RAD54B: variants seen among roughly 807,000 people sequenced by gnomAD.
The protein encoded by RAD54B is RAD54 homolog B.
In RAD54B, 78 loss-of-function variants were observed where a neutral mutation model predicts 95.8. The observed-to-expected ratio is 0.81, with a 90% confidence interval of 0.68 to 0.98. RAD54B has a LOEUF of 0.98. Among genes scored for constraint, RAD54B ranks in the 50% least tolerant of loss-of-function variants. The probability of loss-of-function intolerance (pLI) is 0.00; values close to 1 mark genes in which losing one functional copy is unlikely to be tolerated. For missense variants in RAD54B, 957 were observed against 1,056.6 expected (o/e 0.91, Z 1.31); for synonymous variants, 328 against 354.9 (o/e 0.92, Z 0.85).
In RAD54B at chr8:94,411,238, C is replaced by T. The variant is rs1563646492; in HGVS notation, c.382G>A (p.Val128Ile). 4 of 1,611,688 alleles carry T rather than the reference C, an allele frequency of 2.5e-6. No homozygotes were observed. Among genetic ancestry groups the T allele is most frequent in the Non-Finnish European group, 2.5e-6 (3 of 1,179,094 alleles). ...KSDSLVKYFS[V>I]VWCKPSKKKH... is the part of the protein sequence containing the mutation. ...TTCTTTGAAGGCTTACACCAAACAA[C>T]ACTGAAATATTTAACTAGGCTATCA... is the stretch of plus-strand genomic sequence containing the variant. Residue 128 changes from valine to isoleucine, a missense_variant, in exon 4 of 15, where the codon GTT becomes ATT. Val to Ile is a conservative substitution (Grantham distance 29). Coordinates refer to ENST00000336148, the MANE Select transcript of RAD54B (RefSeq NM_012415.3).
intron 4 of RAD54B, among the ~76,000 whole-genome samples, chr8:94,410,316 C>T (rs2130036802): frequency 6.6e-6 from 1 of 152,328 alleles, no homozygotes; most frequent in Non-Finnish European, 1.5e-5. Flanking sequence ...TATGCTCCAA[C>T]TGCATTTAGT....
At chr8:94,422,030 T>C (rs747038870) in intron 3 of RAD54B, among the ~76,000 whole-genome samples, 2 of 152,208 alleles carry the variant, frequency 1.3e-5, no homozygotes, top group Non-Finnish European at 2.9e-5. Context: ...CTAATGCCCT[T>C]ATCTAAATTA....
intron 3 of RAD54B, chr8:94,430,773 A>C: frequency 1.0e-6 from 1 of 985,128 alleles, no homozygotes; most frequent in Non-Finnish European, 1.2e-6. Context: ...AAAAATGCAG[A>C]TTTCTGGTTT....
chr8:94,470,979 T>C (rs1180483303), intron 1 of RAD54B, among the ~76,000 whole-genome samples: 1 of 152,186 alleles, frequency 6.6e-6, no homozygotes, highest in Non-Finnish European at 1.5e-5. Flanking sequence ...CCTTATATAA[T>C]GTTGGGAATG....
intron 11 of RAD54B, 79 bp downstream of exon 11, chr8:94,386,905 T>G: frequency 9.9e-7 from 1 of 1,006,160 alleles, no homozygotes; most frequent in Non-Finnish European, 1.4e-6. Flanking sequence ...TTTCTTATTT[T>G]AAAAGGGAAG....
In RAD54B at chr8:94,375,867, G is replaced by C. The variant is rs892207380; in HGVS notation, c.2515+2313C>G. 8.5e-5 allele frequency among the ~76,000 whole-genome samples: 13 copies of C among 152,060 alleles called. No individual in the cohort carries two copies. The East Asian group carries it at 2.3e-3, about 27-fold the overall frequency. ...AAGGATACACAAAAAAACTAATAGTGGTGGTTTCTTTTGATGTAGAAGGCT... is the reference window on the plus strand; with the variant it reads ...AAGGATACACAAAAAAACTAATAGTCGTGGTTTCTTTTGATGTAGAAGGCT... On this transcript the variant is annotated intron_variant, in intron 14 of 14. Coordinates refer to ENST00000336148, the MANE Select transcript of RAD54B (RefSeq NM_012415.3).
intron 3 of RAD54B, among the ~76,000 whole-genome samples, chr8:94,451,863 GA>G (rs201302620): frequency 0.091 from 13,355 of 146,810 alleles, 1,061 homozygotes; most frequent in African/African-American, 0.2. Context: ...GGTCCAGCAG[GA>G]AAAAAAAAAA....
intron 3 of RAD54B, chr8:94,427,627 G>T: frequency 1.5e-6 from 1 of 684,484 alleles, no homozygotes; most frequent in Non-Finnish European, 1.8e-6. Context: ...CTAAATAAAT[G>T]TATTTCAATT....
intron 3 of RAD54B, among the ~76,000 whole-genome samples, chr8:94,449,629 A>G (rs902119414): frequency 6.6e-6 from 1 of 151,604 alleles, no homozygotes; most frequent in African/African-American, 2.4e-5. Flanking sequence ...AAAAAAAAGA[A>G]GGAAATGGTC....
At chr8:94,425,738 A>G (rs543845845) in intron 3 of RAD54B, among the ~76,000 whole-genome samples, 4 of 152,032 alleles carry the variant, frequency 2.6e-5, no homozygotes, top group Non-Finnish European at 5.9e-5. Context: ...ATTATGTTTT[A>G]TAAGCGTAGC....
intron 10 of RAD54B, chr8:94,387,415 T>C: frequency 3.5e-6 from 1 of 289,386 alleles, no homozygotes; most frequent in Non-Finnish European, 6.3e-6. Context: ...GTAGTATTAA[T>C]ATTTCCCACA....
intron 3 of RAD54B, among the ~76,000 whole-genome samples, chr8:94,457,424 G>A (rs1052097943): frequency 6.6e-6 from 1 of 152,166 alleles, no homozygotes; most frequent in Non-Finnish European, 1.5e-5. Context: ...ATGGCACCAA[G>A]ATAATGGCCA....
At chr8:94,404,679 C>A (rs1385693874) in intron 5 of RAD54B, among the ~76,000 whole-genome samples, 1 of 152,200 alleles carries the variant, frequency 6.6e-6, no homozygotes, top group African/African-American at 2.4e-5. Context: ...GGCTTTCTAT[C>A]TTTTCAGTCC....
intron 5 of RAD54B, among the ~76,000 whole-genome samples, chr8:94,404,684 C>T (rs1811343755): frequency 6.6e-6 from 1 of 152,196 alleles, no homozygotes; most frequent in Non-Finnish European, 1.5e-5. Context: ...TCTATCTTTT[C>T]AGTCCTAAAC....
intron 10 of RAD54B, among the ~76,000 whole-genome samples, chr8:94,389,866 A>G (rs1810973922): frequency 6.6e-6 from 1 of 152,200 alleles, no homozygotes; most frequent in Admixed American, 6.5e-5. Context: ...CATGGCAACA[A>G]TGGAGAAACA....
At chr8:94,409,835 G>A (rs1811483585) in intron 4 of RAD54B, among the ~76,000 whole-genome samples, 4 of 152,106 alleles carry the variant, frequency 2.6e-5, no homozygotes, top group Non-Finnish European at 5.9e-5. Flanking sequence ...AAGTAATTGT[G>A]ATAATTTTTC....
At chr8:94,399,337 T>C (rs931484598) in intron 8 of RAD54B, 77 bp downstream of exon 8, 2 of 1,116,100 alleles carry the variant, frequency 1.8e-6, no homozygotes, top group Non-Finnish European at 2.7e-6. Context: ...GTTATTTGAA[T>C]GTTAAGCATC....
intron 3 of RAD54B, among the ~76,000 whole-genome samples, chr8:94,421,478 A>G (rs1811805736): frequency 6.6e-6 from 1 of 152,176 alleles, no homozygotes; most frequent in Admixed American, 6.5e-5. Context: ...AGTGCTGCCC[A>G]GGTACTAAAA....
intron 3 of RAD54B, among the ~76,000 whole-genome samples, chr8:94,414,248 G>C (rs1020180180): frequency 1.3e-5 from 2 of 152,174 alleles, no homozygotes; most frequent in Non-Finnish European, 2.9e-5. Flanking sequence ...AGGTTTTCTA[G>C]ATATACAATC....
Sources: allele counts gnomAD v4.1 joint callset (sites outside exome capture counted in the v4.1 genomes callset), GRCh38; gene constraint gnomAD v4.1.1; transcripts MANE v1.5; gene names NCBI Gene and HGNC (gene_info 2026-07-23, HGNC 2026-07-21).